Variants in ANKRD29 observed in about 807,000 individuals in gnomAD.
ANKRD29 encodes the protein ankyrin repeat domain 29.
ANKRD29 carries 32 observed loss-of-function variants against 38.0 expected under a neutral mutation model. The ratio of observed to expected loss-of-function variants is 0.84; its 90% confidence interval spans 0.64 to 1.13. ANKRD29 has a LOEUF of 1.13. Ranked by LOEUF, ANKRD29 falls within the 50% of genes most tolerant of loss-of-function variation. The probability of loss-of-function intolerance (pLI) is 0.00; values close to 1 mark genes in which losing one functional copy is unlikely to be tolerated. For missense variants in ANKRD29, 357 were observed against 377.9 expected (o/e 0.94, Z 0.46); for synonymous variants, 135 against 152.4 (o/e 0.89, Z 0.84).
At chr18:23,630,014 T>A in intron 5 of ANKRD29, 63 bp from the exon 6 acceptor site, 1 of 1,439,932 alleles carries the variant, frequency 6.9e-7, no homozygotes, top group Non-Finnish European at 9.6e-7. Flanking sequence ...TAAAAGAAAT[T>A]AGGGCGGGTG....
At chr18:23,661,663 C>A (rs1023772261) in intron 1 of ANKRD29, among the ~76,000 whole-genome samples, 1 of 152,214 alleles carries the variant, frequency 6.6e-6, no homozygotes, top group Non-Finnish European at 1.5e-5. Flanking sequence ...GAGCTGAGAT[C>A]ACACCATTGC....
intron 5 of ANKRD29, among the ~76,000 whole-genome samples, chr18:23,630,625 TAAATA>T (rs2059918814): frequency 6.6e-6 from 1 of 151,716 alleles, no homozygotes; most frequent in Non-Finnish European, 1.5e-5. Flanking sequence ...TGTCTCAAAA[TAAATA>T]AAATAAAATA....
At chr18:23,605,236 T>C (rs1481516159) in intron 9 of ANKRD29, among the ~76,000 whole-genome samples, 1 of 152,118 alleles carries the variant, frequency 6.6e-6, no homozygotes, top group Non-Finnish European at 1.5e-5. Flanking sequence ...TTCTGTTTTA[T>C]TTATTTATTT....
chr18:23,619,730 G>C (rs1310814467), intron 6 of ANKRD29, 101 bp from the exon 7 acceptor site: 1 of 970,418 alleles, frequency 1.0e-6, no homozygotes, highest in Non-Finnish European at 1.5e-6. Context: ...AAAACTCCGG[G>C]AAGGCACTCC....
chr18:23,613,650 A>C (rs956450571), intron 8 of ANKRD29, among the ~76,000 whole-genome samples: 3 of 147,338 alleles, frequency 2.0e-5, no homozygotes, highest in Non-Finnish European at 4.5e-5. Context: ...CCCAGGCTTG[A>C]GTGCAGTGGT....
At chr18:23,612,297 G>A (rs1652366) in intron 8 of ANKRD29, 107 bp from the exon 9 acceptor site, 2 of 922,880 alleles carry the variant, frequency 2.2e-6, no homozygotes, top group Non-Finnish European at 3.3e-6. Context: ...CCTCATACCC[G>A]TAACCTTCCT....
chr18:23,633,791 G>A (rs942285163), intron 5 of ANKRD29, among the ~76,000 whole-genome samples: 1 of 151,970 alleles, frequency 6.6e-6, no homozygotes, highest in Non-Finnish European at 1.5e-5. Flanking sequence ...GGCTGGTCTC[G>A]AACTCCTGAC....
Position 23,599,952 on chromosome 18 carries a change from T to G in ANKRD29, c.*1274A>C, listed in dbSNP as rs1250382445. 6.6e-6 allele frequency: 1 copy of G among 152,216 alleles called. No individual in the cohort carries two copies. The highest frequency in any genetic ancestry group is 1.9e-4 in the East Asian group (1 of 5,200). 9.4% of individuals were successfully genotyped at this position (152,216 alleles called of 1,614,324 possible). A position where few individuals can be genotyped will look rare whatever the true frequency, so the allele number is the denominator to read the frequency against. On this transcript the variant is annotated 3_prime_UTR_variant, in exon 10 of 10. Coordinates refer to ENST00000592179, the MANE Select transcript of ANKRD29 (RefSeq NM_173505.4). Reference sequence around the variant, plus strand: ...ATTACAACATTTTCCTCTAAAAGTGTCTTTACATAGACACTGACTGAAAAC... The same window carrying G: ...ATTACAACATTTTCCTCTAAAAGTGGCTTTACATAGACACTGACTGAAAAC...
In ANKRD29 at chr18:23,617,777, G is replaced by GACATCATT; in HGVS notation, c.670_677dup (p.Ile227MetfsTer4). ...GTGAGAATTTAAGCAACTCTTTTAT[G>GACATCATT]ACATCATTATACCCTTTGTTGGCTG... is the stretch of plus-strand genomic sequence containing the variant. On this transcript the variant is annotated frameshift_variant, in exon 8 of 10. Transcript: ENST00000592179. LOFTEE classifies it high-confidence loss of function. 6.2e-7 allele frequency: 1 copy of GACATCATT among 1,614,050 alleles called. No homozygotes were observed. The highest frequency in any genetic ancestry group is 1.1e-5 in the South Asian group (1 of 91,074).
chr18:23,603,848 T>C (rs1159153395), intron 9 of ANKRD29, among the ~76,000 whole-genome samples: 1 of 145,800 alleles, frequency 6.9e-6, no homozygotes, highest in Non-Finnish European at 1.5e-5. Flanking sequence ...GTTTACTTCT[T>C]TTTTTTTTTT....
chr18:23,656,922 G>A (rs1039270485), intron 1 of ANKRD29, among the ~76,000 whole-genome samples: 9 of 152,100 alleles, frequency 5.9e-5, no homozygotes, highest in East Asian at 5.8e-4. Flanking sequence ...TTTGCCTAGC[G>A]CAGAGCACTC....
At chr18:23,629,556 T>G (rs1698482161) in intron 6 of ANKRD29, among the ~76,000 whole-genome samples, 1 of 152,338 alleles carries the variant, frequency 6.6e-6, no homozygotes, top group Non-Finnish European at 1.5e-5. Context: ...CAGCCATAAT[T>G]TGTTTGCACA....
chr18:23,617,883 A>AAAC, intron 7 of ANKRD29, 56 bp from the exon 8 acceptor site: 1 of 1,471,288 alleles, frequency 6.8e-7, no homozygotes, highest in Middle Eastern at 2.3e-4. Context: ...GTGTTGCTTG[A>AAAC]AAGCAGTCAG....
At chr18:23,624,400 G>C (rs956265463) in intron 6 of ANKRD29, among the ~76,000 whole-genome samples, 4 of 131,054 alleles carry the variant, frequency 3.1e-5, no homozygotes, top group Non-Finnish European at 6.2e-5. Flanking sequence ...CCGGGAGGCA[G>C]ATGTTGCAGT....
intron 9 of ANKRD29, among the ~76,000 whole-genome samples, chr18:23,608,134 CCA>C (rs1233999708): frequency 6.6e-6 from 1 of 152,230 alleles, no homozygotes; most frequent in Non-Finnish European, 1.5e-5. Flanking sequence ...TCTTTATTCC[CCA>C]CTAAACTCTG....
chr18:23,645,925 G>A (rs904779863), intron 3 of ANKRD29, among the ~76,000 whole-genome samples: 1 of 151,928 alleles, frequency 6.6e-6, no homozygotes, highest in South Asian at 2.1e-4. Context: ...ACTGATTTAA[G>A]CTTGATAAAA....
At chr18:23,606,574 G>A (rs2059577614) in intron 9 of ANKRD29, among the ~76,000 whole-genome samples, 1 of 151,992 alleles carries the variant, frequency 6.6e-6, no homozygotes, top group Admixed American at 6.6e-5. Context: ...GCCTCCCAAA[G>A]TGCTGGGATT....
chr18:23,606,546 A>G (rs1027509796), intron 9 of ANKRD29, among the ~76,000 whole-genome samples: 1 of 152,118 alleles, frequency 6.6e-6, no homozygotes, highest in Non-Finnish European at 1.5e-5. Flanking sequence ...TCCAGGCTCA[A>G]GTGATCCTCC....
At chr18:23,659,432 T>A (rs2060326782) in intron 1 of ANKRD29, among the ~76,000 whole-genome samples, 1 of 152,210 alleles carries the variant, frequency 6.6e-6, no homozygotes, top group South Asian at 2.1e-4. Context: ...AATTGCTGGG[T>A]CATGTGGTAA....
Sources: gnomAD v4.1 joint callset for allele counts (sites outside exome capture counted in the v4.1 genomes callset) on GRCh38, gnomAD v4.1.1 for gene constraint, MANE v1.5 for transcripts, NCBI Gene and HGNC (gene_info 2026-07-23, HGNC 2026-07-21) for gene names.